Variants in NPAS3 observed in about 807,000 individuals in gnomAD.
The protein encoded by NPAS3 is neuronal PAS domain protein 3, also known as neuronal PAS domain-containing protein 3.
A neutral mutation model predicts 73.1 loss-of-function variants in NPAS3; 14 were observed. The ratio of observed to expected loss-of-function variants is 0.19; its 90% CI spans 0.13 to 0.30. NPAS3 has a LOEUF of 0.30. Among genes scored for constraint, NPAS3 ranks in the 10% least tolerant of loss-of-function variants. The pLI is 1.00. For synonymous variants in NPAS3, 620 were observed against 541.5 expected (o/e 1.14, Z -2.01); for missense variants, 1,096 against 1,250.0 (o/e 0.88, Z 1.86).
chr14:33,716,809 G>A (rs2060969088), intron 6 of NPAS3, among the ~76,000 whole-genome samples: 1 of 151,798 alleles, frequency 6.6e-6, no homozygotes, highest in Non-Finnish European at 1.5e-5. Context: ...TCTGAGCGCC[G>A]CCCCCACCCG....
intron 5 of NPAS3, among the ~76,000 whole-genome samples, chr14:33,624,458 G>T (rs1220260267): frequency 6.6e-6 from 1 of 152,008 alleles, no homozygotes; most frequent in African/African-American, 2.4e-5. Flanking sequence ...TATTTTTTAT[G>T]ATTGAGTAAA....
intron 5 of NPAS3, among the ~76,000 whole-genome samples, chr14:33,587,285 T>C (rs1265781808): frequency 6.6e-6 from 1 of 151,818 alleles, no homozygotes; most frequent in Non-Finnish European, 1.5e-5. Context: ...ATTTATTTAA[T>C]ATCATACTTT....
chr14:33,122,956 AAAC>A (rs1445976711), intron 2 of NPAS3, among the ~76,000 whole-genome samples: 2 of 152,180 alleles, frequency 1.3e-5, no homozygotes, highest in African/African-American at 2.4e-5. Flanking sequence ...AAATAAAACA[AAAC>A]AACACTTTTA....
chr14:33,648,377 C>T (rs1269454125), intron 5 of NPAS3, among the ~76,000 whole-genome samples: 2 of 152,122 alleles, frequency 1.3e-5, no homozygotes, highest in Non-Finnish European at 2.9e-5. Context: ...CCAATTGTGT[C>T]ACTTTTTGAA....
At chr14:33,194,910 A>G (rs2046296405) in intron 2 of NPAS3, among the ~76,000 whole-genome samples, 1 of 152,214 alleles carries the variant, frequency 6.6e-6, no homozygotes, top group Non-Finnish European at 1.5e-5. Flanking sequence ...AGTAGCATTT[A>G]GGATCAGCCT....
At chr14:33,320,899 C>T (rs2043414873) in intron 3 of NPAS3, among the ~76,000 whole-genome samples, 1 of 152,084 alleles carries the variant, frequency 6.6e-6, no homozygotes, top group African/African-American at 2.4e-5. Flanking sequence ...TAGGAGATGA[C>T]AGTTTGAAGG....
intron 4 of NPAS3, among the ~76,000 whole-genome samples, chr14:33,540,713 T>C (rs1020121416): frequency 1.3e-5 from 2 of 152,154 alleles, no homozygotes; most frequent in Non-Finnish European, 2.9e-5. Context: ...TAAAGGTCTC[T>C]GTAAACACTG....
At chr14:33,593,782 T>G (rs11623555) in intron 5 of NPAS3, among the ~76,000 whole-genome samples, 16,175 of 152,256 alleles carry the variant, frequency 0.11, 1,158 homozygotes, top group East Asian at 0.33. Context: ...TCAGAGTTTT[T>G]ACAACTTAAA....
chr14:33,723,076 C>T (rs2061161844), intron 6 of NPAS3, among the ~76,000 whole-genome samples: 1 of 152,138 alleles, frequency 6.6e-6, no homozygotes. Flanking sequence ...TTGTGTCAGA[C>T]CCCATACCTA....
intron 7 of NPAS3, among the ~76,000 whole-genome samples, chr14:33,744,206 G>A (rs1366796502): frequency 6.6e-6 from 1 of 152,100 alleles, no homozygotes; most frequent in Non-Finnish European, 1.5e-5. Context: ...TCTAGCTTTT[G>A]ATTTAAAGTT....
chr14:33,573,601 G>T (rs1021144144), intron 5 of NPAS3, among the ~76,000 whole-genome samples: 1 of 152,190 alleles, frequency 6.6e-6, no homozygotes, highest in African/African-American at 2.4e-5. Context: ...GGCAAAGGGA[G>T]GCATGTATGC....
At chr14:33,293,355 T>G (rs1277423213) in intron 3 of NPAS3, among the ~76,000 whole-genome samples, 1 of 152,222 alleles carries the variant, frequency 6.6e-6, no homozygotes, top group Non-Finnish European at 1.5e-5. Context: ...ATACCTTCTC[T>G]GCCCTGCCCC....
intron 2 of NPAS3, among the ~76,000 whole-genome samples, chr14:33,192,204 A>T (rs1344542551): frequency 2.0e-5 from 3 of 152,202 alleles, no homozygotes; most frequent in Non-Finnish European, 4.4e-5. Flanking sequence ...TAGATAGATA[A>T]CCATAAGATT....
chr14:33,169,607 A>G (rs1260213602), intron 2 of NPAS3, among the ~76,000 whole-genome samples: 3 of 152,230 alleles, frequency 2.0e-5, no homozygotes, highest in Admixed American at 1.3e-4. Context: ...AATAAAGTGT[A>G]TAGTATTTTA....
intron 2 of NPAS3, among the ~76,000 whole-genome samples, chr14:33,136,973 T>C (rs186359469): frequency 7.8e-4 from 119 of 152,328 alleles, no homozygotes; most frequent in African/African-American, 2.8e-3. Flanking sequence ...GGCCATTGAT[T>C]AAAATTGAGA....
intron 4 of NPAS3, among the ~76,000 whole-genome samples, chr14:33,369,132 A>G (rs1311253466): frequency 6.6e-6 from 1 of 152,294 alleles, no homozygotes; most frequent in Admixed American, 6.5e-5. Context: ...AATCAACATT[A>G]TACTTCATTG....
At chr14:33,215,924 A>T (rs1594417418) in intron 3 of NPAS3, among the ~76,000 whole-genome samples, 1 of 152,192 alleles carries the variant, frequency 6.6e-6, no homozygotes, top group Non-Finnish European at 1.5e-5. Flanking sequence ...CTCTATATAC[A>T]TATTACCTAA....
chr14:33,418,946 A>G (rs1398406637), intron 4 of NPAS3, among the ~76,000 whole-genome samples: 2 of 151,946 alleles, frequency 1.3e-5, no homozygotes, highest in African/African-American at 4.8e-5. Flanking sequence ...TGGATTATAA[A>G]GAATGAGATA....
At chr14:33,365,201 C>A (rs1157344494) in intron 3 of NPAS3, among the ~76,000 whole-genome samples, 55 of 45,038 alleles carry the variant, frequency 1.2e-3, no homozygotes, top group East Asian at 7.5e-3. Context: ...CCCATAATCT[C>A]AAAAAAAAAA....
Sources: gnomAD v4.1 joint callset for allele counts (sites outside exome capture counted in the v4.1 genomes callset) on GRCh38, gnomAD v4.1.1 for gene constraint, MANE v1.5 for transcripts, NCBI Gene and HGNC (gene_info 2026-07-23, HGNC 2026-07-21) for gene names.